The following PPP4R1 variants were observed in gnomAD, a reference collection of about 807,000 sequenced individuals.
PPP4R1 encodes the protein protein phosphatase 4 regulatory subunit 1, also known as serine/threonine-protein phosphatase 4 regulatory subunit 1.
Under a neutral mutation model 111.2 loss-of-function variants are expected in PPP4R1, and 42 were observed. The observed-to-expected ratio is 0.38, with a 90% CI of 0.29 to 0.49. The LOEUF (loss-of-function observed/expected upper bound fraction) is 0.49, where lower values mean the gene tolerates loss of function less well. PPP4R1 is among the 20% of genes least tolerant of loss of function. The pLI is 0.97. For missense variants in PPP4R1, 1,012 were observed against 1,161.6 expected (o/e 0.87, Z 1.87); for synonymous variants, 409 against 405.5 (o/e 1.01, Z -0.10).
chr18:9,613,297 G>A (rs1399533438), intron 2 of PPP4R1, among the ~76,000 whole-genome samples: 1 of 152,182 alleles, frequency 6.6e-6, no homozygotes, highest in Non-Finnish European at 1.5e-5. Flanking sequence ...TGGAAGATTA[G>A]CAAGAATAGA....
chr18:9,554,567 T>TA (rs796274028), intron 15 of PPP4R1, among the ~76,000 whole-genome samples: 2,055 of 148,354 alleles, frequency 0.014, 43 homozygotes, highest in African/African-American at 0.046. Flanking sequence ...GTAATTTAAT[T>TA]AAAAAAAAAA....
intron 4 of PPP4R1, among the ~76,000 whole-genome samples, chr18:9,589,592 A>C (rs1478341249): frequency 1.3e-5 from 2 of 152,036 alleles, no homozygotes; most frequent in African/African-American, 2.4e-5. Flanking sequence ...CAACCGTAAG[A>C]CCAACTAATT....
At chr18:9,574,185 C>T (rs184712612) in intron 10 of PPP4R1, among the ~76,000 whole-genome samples, 202 of 152,126 alleles carry the variant, frequency 1.3e-3, no homozygotes, top group African/African-American at 4.7e-3. Flanking sequence ...TCCTAAGAGA[C>T]GTAGGTATCA....
intron 2 of PPP4R1, among the ~76,000 whole-genome samples, chr18:9,608,063 C>A (rs1311494278): frequency 6.6e-6 from 1 of 152,062 alleles, no homozygotes; most frequent in Non-Finnish European, 1.5e-5. Flanking sequence ...GGATTACAGG[C>A]ATAAGCCACC....
chr18:9,572,607 G>A (rs2066879170), intron 10 of PPP4R1, among the ~76,000 whole-genome samples: 1 of 152,188 alleles, frequency 6.6e-6, no homozygotes, highest in African/African-American at 2.4e-5. Flanking sequence ...AATAAAAGAT[G>A]TTTAACAGGA....
chr18:9,601,773 G>A (rs984083130), intron 2 of PPP4R1, among the ~76,000 whole-genome samples: 2 of 152,080 alleles, frequency 1.3e-5, no homozygotes, highest in African/African-American at 2.4e-5. Flanking sequence ...GATTACCGGC[G>A]TGAGCCACCG....
intron 2 of PPP4R1, among the ~76,000 whole-genome samples, chr18:9,599,192 T>C (rs1341023201): frequency 6.6e-6 from 1 of 152,180 alleles, no homozygotes; most frequent in Non-Finnish European, 1.5e-5. Flanking sequence ...AATGTATGAC[T>C]ATAATAGCAC....
chr18:9,608,147 T>C (rs558132383), intron 2 of PPP4R1, among the ~76,000 whole-genome samples: 1 of 152,278 alleles, frequency 6.6e-6, no homozygotes, highest in Non-Finnish European at 1.5e-5. Context: ...AGAAAGAACA[T>C]ATATATTCAC....
chr18:9,610,067 C>A (rs1432038578), intron 2 of PPP4R1, among the ~76,000 whole-genome samples: 1 of 152,188 alleles, frequency 6.6e-6, no homozygotes, highest in Non-Finnish European at 1.5e-5. Context: ...CAACATATTA[C>A]TTTGATAAAA....
intron 2 of PPP4R1, among the ~76,000 whole-genome samples, chr18:9,608,786 G>A (rs1231444505): frequency 6.6e-6 from 1 of 152,158 alleles, no homozygotes; most frequent in Non-Finnish European, 1.5e-5. Context: ...ACAAACATAG[G>A]AGCAAGGTAA....
intron 15 of PPP4R1, among the ~76,000 whole-genome samples, chr18:9,554,553 G>A (rs2066540306): frequency 6.6e-6 from 1 of 151,826 alleles, no homozygotes; most frequent in South Asian, 2.1e-4. Context: ...ACAATATGAA[G>A]TTAGTAATTT....
At chr18:9,611,478 C>A (rs2067578452) in intron 2 of PPP4R1, among the ~76,000 whole-genome samples, 1 of 152,186 alleles carries the variant, frequency 6.6e-6, no homozygotes, top group South Asian at 2.1e-4. Flanking sequence ...AGTGTTCCCC[C>A]TCATTCTTTC....
rs1282121964 is a variant in PPP4R1 at position 9,563,332 on chromosome 18, G to A, written c.1746+46C>T. ...AACTATTCCCCAATGAAAGACTTCT[G>A]ATTCAAACTACTCTCATTTGGTAAA... is the stretch of plus-strand genomic sequence containing the variant. On this transcript the variant is annotated intron_variant, in intron 12 of 19. Transcript: ENST00000400556. The A allele has an allele frequency of 3.3e-6, 5 of 1,516,854 alleles. No homozygotes were observed. In the South Asian group the frequency reaches 5.0e-5, roughly 15 times the overall value. 94.0% of individuals were successfully genotyped at this position (1,516,854 alleles called of 1,614,324 possible). A position where few individuals can be genotyped will look rare whatever the true frequency, so the allele number is the denominator to read the frequency against.
intron 10 of PPP4R1, among the ~76,000 whole-genome samples, chr18:9,572,708 C>CG (rs1404882127): frequency 6.6e-6 from 1 of 152,182 alleles, no homozygotes; most frequent in Non-Finnish European, 1.5e-5. Flanking sequence ...CATGAAATTA[C>CG]GAAGTTCCCT....
At chr18:9,582,521 G>A (rs2067046242) in intron 9 of PPP4R1, among the ~76,000 whole-genome samples, 1 of 152,148 alleles carries the variant, frequency 6.6e-6, no homozygotes, top group Admixed American at 6.5e-5. Flanking sequence ...TGAAGAGACA[G>A]AATTAGGAAT....
intron 2 of PPP4R1, among the ~76,000 whole-genome samples, chr18:9,601,280 T>A (rs966383545): frequency 6.7e-6 from 1 of 150,360 alleles, no homozygotes; most frequent in Non-Finnish European, 1.5e-5. Flanking sequence ...CCCAGCACTG[T>A]GGGAGGCTGA....
intron 2 of PPP4R1, among the ~76,000 whole-genome samples, chr18:9,606,726 T>C (rs1433926456): frequency 6.6e-6 from 1 of 152,000 alleles, no homozygotes; most frequent in Admixed American, 6.6e-5. Context: ...TTTCTATTTA[T>C]ATAATACAGT....
intron 16 of PPP4R1, chr18:9,550,800 T>G: frequency 1.2e-5 from 2 of 169,746 alleles, no homozygotes; most frequent in South Asian, 1.4e-4. Context: ...GAGTCCACTG[T>G]GTACCTGTCG....
chr18:9,548,410 G>C (rs1173999719), intron 19 of PPP4R1, among the ~76,000 whole-genome samples: 1 of 60,832 alleles, frequency 1.6e-5, no homozygotes, highest in South Asian at 7.0e-4. Context: ...GGCAGGCGGC[G>C]GGGGGGTCGA....
Sources: gnomAD v4.1 joint callset for allele counts (sites outside exome capture counted in the v4.1 genomes callset) on GRCh38, gnomAD v4.1.1 for gene constraint, MANE v1.5 for transcripts, NCBI Gene and HGNC (gene_info 2026-07-23, HGNC 2026-07-21) for gene names.